Variants in TFCP2 observed in about 807,000 individuals in gnomAD.
TFCP2 encodes alpha-globin transcription factor CP2.
Under a neutral mutation model 73.4 loss-of-function variants are expected in TFCP2, and 33 were observed. The ratio of observed to expected loss-of-function variants is 0.45; its 90% CI spans 0.34 to 0.60. The LOEUF is 0.60. Among genes scored for constraint, TFCP2 ranks in the 20% least tolerant of loss-of-function variants. The pLI, the probability that TFCP2 is intolerant of heterozygous loss-of-function variation, is 0.01. For missense variants in TFCP2, 352 were observed against 604.0 expected (o/e 0.58, Z 4.37); for synonymous variants, 193 against 211.6 (o/e 0.91, Z 0.76).
chr12:51,099,040 C>A, intron 12 of TFCP2, 122 bp from the exon 13 acceptor site: 7 of 1,057,196 alleles, frequency 6.6e-6, no homozygotes, highest in Non-Finnish European at 9.5e-6. Context: ...AAGTTCAAAT[C>A]CTGGCTCAAC....
intron 1 of TFCP2, among the ~76,000 whole-genome samples, chr12:51,154,214 T>C (rs1941490501): frequency 6.6e-6 from 1 of 152,216 alleles, no homozygotes; most frequent in African/African-American, 2.4e-5. Flanking sequence ...ATACATTAGG[T>C]CATCCTTATC....
intron 1 of TFCP2, among the ~76,000 whole-genome samples, chr12:51,147,296 T>C (rs1941317170): frequency 6.6e-6 from 1 of 151,864 alleles, no homozygotes; most frequent in Non-Finnish European, 1.5e-5. Context: ...TGAGCCGAGA[T>C]TGCGCCACTG....
chr12:51,170,720 C>A (rs1941842992), intron 1 of TFCP2, among the ~76,000 whole-genome samples: 1 of 151,544 alleles, frequency 6.6e-6, no homozygotes, highest in Admixed American at 6.6e-5. Context: ...ACTCTTGTTG[C>A]CTAAGCTGGA....
rs556811853 is a variant in TFCP2 at position 51,130,107 on chromosome 12, T to G, written c.123-11335A>C. Among the ~76,000 whole-genome samples, 110 of 152,110 alleles carry G rather than the reference T, an allele frequency of 7.2e-4. 2 individuals carry two copies. Among genetic ancestry groups the G allele is most frequent in the Middle Eastern group, 6.8e-3 (2 of 294 alleles). ...TCACAGTGAGCCATGATTGTGCCAT[T>G]GCACTCCAGCCTGGGCAACAGAATG... On this transcript the variant is annotated intron_variant, in intron 1 of 14. Coordinates refer to ENST00000257915, the MANE Select transcript of TFCP2 (RefSeq NM_005653.5).
At chr12:51,135,444 A>AC (rs371220551) in intron 1 of TFCP2, among the ~76,000 whole-genome samples, 3 of 151,662 alleles carry the variant, frequency 2.0e-5, no homozygotes, top group African/African-American at 4.8e-5. Context: ...CACAAAAAAA[A>AC]CAACTACGAT....
At chr12:51,096,257 G>A (rs1566196069) in intron 13 of TFCP2, among the ~76,000 whole-genome samples, 2 of 152,172 alleles carry the variant, frequency 1.3e-5, no homozygotes, top group Non-Finnish European at 2.9e-5. Context: ...TGGAAGAGTT[G>A]TTTTAAAGCC....
At chr12:51,134,016 AC>A (rs1192593886) in intron 1 of TFCP2, among the ~76,000 whole-genome samples, 1 of 152,142 alleles carries the variant, frequency 6.6e-6, no homozygotes, top group East Asian at 1.9e-4. Context: ...AAGAAAACAA[AC>A]AAAAAATGTC....
chr12:51,129,468 G>A (rs1164716936), intron 1 of TFCP2, among the ~76,000 whole-genome samples: 1 of 150,014 alleles, frequency 6.7e-6, no homozygotes, highest in Non-Finnish European at 1.5e-5. Context: ...AGCCGAGATC[G>A]TGCCACTGTG....
chr12:51,128,485 A>C (rs1469299976), intron 1 of TFCP2, among the ~76,000 whole-genome samples: 3 of 151,526 alleles, frequency 2.0e-5, no homozygotes, highest in Non-Finnish European at 4.4e-5. Context: ...TAATAAAAAA[A>C]AAAAAAACAA....
chr12:51,170,583 C>T lies in TFCP2; in HGVS notation c.122+1718G>A, dbSNP rs141115526. 6.6e-3 allele frequency among the ~76,000 whole-genome samples: 1,001 copies of T among 152,070 alleles called. 13 individuals carry two copies. The highest frequency in any genetic ancestry group is 0.023 in the African/African-American group (950 of 41,500). ...CAAGAGATCCTCCAGTCTCCACCCC[C>T]CAAAGTGCTGGGATTACAGGCATGA... On this transcript the variant is annotated intron_variant, in intron 1 of 14. Coordinates refer to ENST00000257915, the MANE Select transcript of TFCP2 (RefSeq NM_005653.5).
intron 1 of TFCP2, chr12:51,124,754 C>G (rs1245671032): frequency 1.3e-6 from 1 of 745,824 alleles, no homozygotes; most frequent in East Asian, 2.9e-5. Context: ...TCACGGCTGC[C>G]TTTTTCTGCT....
At position 51,113,089 on chromosome 12, in the gene TFCP2, T is replaced by A. The variant is rs183570220; in HGVS notation, c.458-2106A>T. On this transcript the variant is annotated intron_variant, in intron 4 of 14. Coordinates refer to ENST00000257915, the MANE Select transcript of TFCP2 (RefSeq NM_005653.5). Reference sequence around the variant, plus strand: ...GCCAGGTAATATGTATTATCAGAACTGTGGTATTAACTATACTACTGTTTT... The same window carrying A: ...GCCAGGTAATATGTATTATCAGAACAGTGGTATTAACTATACTACTGTTTT... 5.9e-3 allele frequency among the ~76,000 whole-genome samples: 894 copies of A among 152,274 alleles called. 5 individuals are homozygous for A. Among genetic ancestry groups the A allele is most frequent in the African/African-American group, 0.019 (783 of 41,550 alleles).
At chr12:51,157,706 A>T (rs1204112108) in intron 1 of TFCP2, among the ~76,000 whole-genome samples, 7 of 8,558 alleles carry the variant, frequency 8.2e-4, no homozygotes, top group East Asian at 4.2e-3. Flanking sequence ...TTTTTTTTTG[A>T]GACAGAGTCT....
At chr12:51,152,042 G>C (rs897300944) in intron 1 of TFCP2, among the ~76,000 whole-genome samples, 2 of 152,116 alleles carry the variant, frequency 1.3e-5, no homozygotes, top group African/African-American at 4.8e-5. Flanking sequence ...AAAAGTTTGA[G>C]AACAGGATAT....
chr12:51,117,897 G>A, intron 2 of TFCP2, 150 bp from the exon 3 acceptor site: 1 of 578,658 alleles, frequency 1.7e-6, no homozygotes. Context: ...AAGATGCTCA[G>A]CACTGTGCTA....
At chr12:51,158,843 G>A (rs1302355603) in intron 1 of TFCP2, among the ~76,000 whole-genome samples, 4 of 151,132 alleles carry the variant, frequency 2.6e-5, no homozygotes, top group Non-Finnish European at 4.4e-5. Context: ...AAATGGAGAC[G>A]GGGAGTATGG....
At chr12:51,160,740 A>G (rs1941630501) in intron 1 of TFCP2, among the ~76,000 whole-genome samples, 1 of 152,200 alleles carries the variant, frequency 6.6e-6, no homozygotes. Flanking sequence ...CTAATGAAAC[A>G]CTTGCAGTGT....
intron 1 of TFCP2, among the ~76,000 whole-genome samples, chr12:51,120,270 G>GTACAAACCATGGTATATCCA (rs1940631234): frequency 6.6e-6 from 1 of 150,980 alleles, no homozygotes; most frequent in Admixed American, 6.6e-5. Flanking sequence ...GAGAACGGAT[G>GTACAAACCATGGTATATCCA]TACAAACCAT....
chr12:51,107,487 G>C, intron 6 of TFCP2, 141 bp from the exon 7 acceptor site: 2 of 661,686 alleles, frequency 3.0e-6, no homozygotes, highest in Non-Finnish European at 5.3e-6. Flanking sequence ...CTTTAAGTTT[G>C]AAAATAGGAA....
Sources: allele counts gnomAD v4.1 joint callset (sites outside exome capture counted in the v4.1 genomes callset), GRCh38; gene constraint gnomAD v4.1.1; transcripts MANE v1.5; gene names NCBI Gene and HGNC (gene_info 2026-07-23, HGNC 2026-07-21).